The following LRP1B variants were observed in gnomAD, a reference collection of about 807,000 sequenced individuals.
LRP1B encodes low-density lipoprotein receptor-related protein 1B.
Under a neutral mutation model 556.6 loss-of-function variants are expected in LRP1B, and 217 were observed. That is an observed-to-expected ratio of 0.39 (90% confidence interval 0.35 to 0.44). LRP1B has a LOEUF of 0.44. Among genes scored for constraint, LRP1B ranks in the 20% least tolerant of loss-of-function variants. The probability of loss-of-function intolerance (pLI) is 1.00; values close to 1 mark genes in which losing one functional copy is unlikely to be tolerated. For synonymous variants in LRP1B, 2,047 were observed against 1,865.8 expected (o/e 1.10, Z -2.50); for missense variants, 5,053 against 5,620.8 (o/e 0.90, Z 3.23).
intron 27 of LRP1B, among the ~76,000 whole-genome samples, chr2:140,859,872 G>A (rs1339830477): frequency 1.3e-5 from 2 of 152,144 alleles, no homozygotes; most frequent in East Asian, 1.9e-4. Flanking sequence ...GCGGACACCT[G>A]TAGTCCCAGC....
intron 1 of LRP1B, among the ~76,000 whole-genome samples, chr2:142,026,766 T>A (rs1703520788): frequency 6.6e-6 from 1 of 152,028 alleles, no homozygotes; most frequent in African/African-American, 2.4e-5. Context: ...TAGGGGAGAT[T>A]AAAACCTATA....
At chr2:140,473,652 A>C (rs747008681) in intron 60 of LRP1B, among the ~76,000 whole-genome samples, 48 of 151,904 alleles carry the variant, frequency 3.2e-4, no homozygotes, top group Non-Finnish European at 6.6e-4. Context: ...AATGAAAGGC[A>C]AATATTTAAT....
chr2:140,954,133 G>A (rs369853667), intron 18 of LRP1B, among the ~76,000 whole-genome samples: 6 of 152,096 alleles, frequency 3.9e-5, no homozygotes, highest in African/African-American at 1.4e-4. Flanking sequence ...CCACTCCTTC[G>A]TAAGTTTCTT....
chr2:142,058,014 C>T (rs1321623896), intron 1 of LRP1B, among the ~76,000 whole-genome samples: 2 of 152,134 alleles, frequency 1.3e-5, no homozygotes, highest in Admixed American at 6.6e-5. Flanking sequence ...AGGATGTTTG[C>T]TCTATCGACC....
chr2:141,422,258 T>C (rs1377065093), intron 3 of LRP1B, among the ~76,000 whole-genome samples: 1 of 152,178 alleles, frequency 6.6e-6, no homozygotes, highest in Non-Finnish European at 1.5e-5. Context: ...GAATCCACCA[T>C]AGTACTAACC....
intron 2 of LRP1B, among the ~76,000 whole-genome samples, chr2:141,610,180 G>T (rs72855500): frequency 0.053 from 7,496 of 140,462 alleles, 296 homozygotes; most frequent in South Asian, 0.21. Context: ...CCTATTTCGT[G>T]GGGGGAGGGA....
At chr2:140,383,897 C>T (rs1351774357) in intron 67 of LRP1B, among the ~76,000 whole-genome samples, 1 of 152,094 alleles carries the variant, frequency 6.6e-6, no homozygotes, top group Non-Finnish European at 1.5e-5. Flanking sequence ...CCTGCTTTTT[C>T]TTAAGGGCAC....
chr2:142,012,653 A>T (rs1574592621), intron 1 of LRP1B, among the ~76,000 whole-genome samples: 1 of 152,266 alleles, frequency 6.6e-6, no homozygotes, highest in Non-Finnish European at 1.5e-5. Flanking sequence ...AGCTCTACTT[A>T]GCTGTTTGTT....
At chr2:141,459,020 G>A (rs1681748687) in intron 3 of LRP1B, among the ~76,000 whole-genome samples, 1 of 152,108 alleles carries the variant, frequency 6.6e-6, no homozygotes, top group Non-Finnish European at 1.5e-5. Context: ...AGACAAAATG[G>A]CAGTCCAGAA....
At chr2:141,239,545 T>G (rs1683784743) in intron 5 of LRP1B, among the ~76,000 whole-genome samples, 1 of 151,982 alleles carries the variant, frequency 6.6e-6, no homozygotes, top group African/African-American at 2.4e-5. Flanking sequence ...AAGAAGACAA[T>G]TATATGAGTC....
intron 66 of LRP1B, among the ~76,000 whole-genome samples, chr2:140,391,982 G>A (rs537028556): frequency 1.5e-4 from 23 of 152,210 alleles, no homozygotes; most frequent in Non-Finnish European, 2.9e-4. Context: ...CTGGATTCAA[G>A]TTGCTACTTC....
Position 140,541,882 on chromosome 2 carries a change from T to G in LRP1B, c.7284A>C (p.Ile2428=). ...IFWSDWGRRA[I]LRSNKYTGGD... is the part of the protein sequence containing the mutation. ...CTCCTGTGTACTTGTTGGACCGCAG[T>G]ATAGCTCTTCTTCCCCAGTCCGACC... The change falls in exon 44 of 91, where the codon ATA becomes ATC. Residue 2428 remains isoleucine (I), a synonymous_variant. Coordinates refer to ENST00000389484, the MANE Select transcript of LRP1B (RefSeq NM_018557.3). 5.0e-6 allele frequency: 8 copies of G among 1,612,940 alleles called. No individual in the cohort carries two copies. Among genetic ancestry groups the G allele is most frequent in the Non-Finnish European group, 6.8e-6 (8 of 1,179,230 alleles).
At chr2:140,301,018 G>A (rs889140285) in intron 83 of LRP1B, among the ~76,000 whole-genome samples, 2 of 151,958 alleles carry the variant, frequency 1.3e-5, no homozygotes, top group African/African-American at 4.8e-5. Flanking sequence ...TAAATTTTAT[G>A]TTTTATCTCT....
intron 2 of LRP1B, among the ~76,000 whole-genome samples, chr2:141,603,244 T>C (rs905243058): frequency 6.6e-6 from 1 of 152,218 alleles, no homozygotes; most frequent in Non-Finnish European, 1.5e-5. Flanking sequence ...ACAAGTGGTC[T>C]CCTATAGGTG....
At chr2:141,500,519 C>T (rs888243811) in intron 2 of LRP1B, among the ~76,000 whole-genome samples, 1 of 152,010 alleles carries the variant, frequency 6.6e-6, no homozygotes, top group African/African-American at 2.4e-5. Context: ...AAAGGTTTCT[C>T]ATTCTATAAA....
intron 7 of LRP1B, among the ~76,000 whole-genome samples, chr2:141,162,806 T>C (rs889644551): frequency 6.6e-6 from 1 of 152,266 alleles, no homozygotes. Context: ...ATATTAACAA[T>C]GTATATAATA....
chr2:142,130,196 C>A (rs900689749), intron 1 of LRP1B, among the ~76,000 whole-genome samples: 1 of 152,198 alleles, frequency 6.6e-6, no homozygotes, highest in Non-Finnish European at 1.5e-5. Flanking sequence ...CTCCACGGAC[C>A]TCGAATGCAG....
At chr2:140,818,735 G>A (rs1370292100) in intron 31 of LRP1B, among the ~76,000 whole-genome samples, 1 of 152,002 alleles carries the variant, frequency 6.6e-6, no homozygotes, top group Non-Finnish European at 1.5e-5. Context: ...AAGAGGTCGA[G>A]ACCAGCCTGG....
chr2:142,056,203 G>A (rs1352434215), intron 1 of LRP1B, among the ~76,000 whole-genome samples: 7 of 151,942 alleles, frequency 4.6e-5, no homozygotes, highest in Admixed American at 3.9e-4. Flanking sequence ...AGATTTTGTG[G>A]TTTTATCTCC....
Sources: gnomAD v4.1 joint callset for allele counts (sites outside exome capture counted in the v4.1 genomes callset) on GRCh38, gnomAD v4.1.1 for gene constraint, MANE v1.5 for transcripts, NCBI Gene and HGNC (gene_info 2026-07-23, HGNC 2026-07-21) for gene names.